Variants in DLL4 observed in about 807,000 individuals in gnomAD.
DLL4 encodes delta like canonical Notch ligand 4.
A neutral mutation model predicts 73.6 loss-of-function variants in DLL4; 7 were observed. The observed-to-expected ratio is 0.10, with a 90% CI of 0.05 to 0.18. The LOEUF is 0.18. Among genes scored for constraint, DLL4 ranks in the 10% least tolerant of loss-of-function variants. DLL4 has a pLI of 1.00. For synonymous variants in DLL4, 345 were observed against 374.3 expected (o/e 0.92, Z 0.90); for missense variants, 614 against 929.9 (o/e 0.66, Z 4.42).
At chr15:40,937,151 T>TTCC (rs1308931625) in intron 9 of DLL4, among the ~76,000 whole-genome samples, 2 of 152,220 alleles carry the variant, frequency 1.3e-5, no homozygotes, top group Non-Finnish European at 2.9e-5. Flanking sequence ...CTCTTGTGAC[T>TTCC]TCCGTCTTTC....
At chr15:40,934,858 C>G (rs754445453) in intron 7 of DLL4, 40 bp from the exon 8 acceptor site, 4 of 1,601,838 alleles carry the variant, frequency 2.5e-6, no homozygotes, top group Non-Finnish European at 3.4e-6. Flanking sequence ...ATCCCTGCCC[C>G]CCAGGGTCTG....
rs764149583 is a variant in DLL4, at chr15:40,936,420, G to A, written c.1433G>A (p.Arg478Gln). Residue 478 changes from arginine to glutamine, a missense_variant, in exon 9 of 11, where the codon CGG becomes CAG. Around this residue, in one of 3 missense-constraint regions of DLL4, gnomAD observed 386 missense variants for 541.3 expected, o/e 0.71. Transcript: ENST00000249749. Reference sequence around the variant, plus strand: ...TTCTCTGGCCGACGCTGTGAGGTGCGGACATCCATCGATGCCTGTGCCTCG... The same window carrying A: ...TTCTCTGGCCGACGCTGTGAGGTGCAGACATCCATCGATGCCTGTGCCTCG... Reference protein sequence around the residue: ...AGFSGRRCEVRTSIDACASSP... With the variant: ...AGFSGRRCEVQTSIDACASSP... 2.0e-5 allele frequency: 33 copies of A among 1,611,204 alleles called. No individual in the cohort carries two copies. The highest frequency in any genetic ancestry group is 5.0e-5 in the Admixed American group (3 of 59,830).
At position 40,932,114 on chromosome 15, in the gene DLL4, T is replaced by A. The variant is rs1596192753; in HGVS notation, c.659-57T>A. ...GATCCCCAGGGCCAGCAGGTGAGAA[T>A]GGGGCTTAAGAGTCCTTGGTATCCC... On this transcript the variant is annotated intron_variant, in intron 4 of 10. Transcript: ENST00000249749. 4 of 1,601,546 alleles carry A rather than the reference T, an allele frequency of 2.5e-6. No homozygotes were observed. The East Asian group carries it at 8.9e-5, about 36-fold the overall frequency.
Position 40,929,744 on chromosome 15 carries a change from C to T in DLL4, c.66+10C>T. ...GGCACTTTGGCAGCAGGTAACACGT[C>T]CCGCGCCCTCTCCGTCCCCTCTGCC... On this transcript the variant is annotated intron_variant, in intron 1 of 10. Coordinates refer to ENST00000249749, the MANE Select transcript of DLL4 (RefSeq NM_019074.4). The surrounding 1 kb of genome is among the most constrained non-coding windows in gnomAD (Gnocchi z 7.1). The T allele has an allele frequency of 1.9e-6, 3 of 1,599,816 alleles. No homozygotes were observed. Among genetic ancestry groups the T allele is most frequent in the Non-Finnish European group, 2.5e-6 (3 of 1,176,860 alleles).
chr15:40,931,544 C>A lies in DLL4; in HGVS notation c.436C>A (p.Gln146Lys). Residue 146 changes from glutamine to lysine, a missense_variant, in exon 4 of 11, where the codon CAG (glutamine) becomes AAG (lysine). Physicochemically the swap from Gln to Lys is moderately conservative, Grantham distance 53. Around this residue, in one of 3 missense-constraint regions of DLL4, gnomAD observed 227 missense variants for 370.8 expected, o/e 0.61. Transcript: ENST00000249749. ...TGCACTCATCAGCAAGATCGCCATC[C>A]AGGGCTCCCTAGCTGTGGGTCAGAA... Reference protein sequence around the residue: ...PDALISKIAIQGSLAVGQNWL... With the variant: ...PDALISKIAIKGSLAVGQNWL... 1 of 1,610,442 alleles carries A rather than the reference C, an allele frequency of 6.2e-7. No homozygotes were observed. Among genetic ancestry groups the A allele is most frequent in the African/African-American group, 1.3e-5 (1 of 74,970 alleles).
intron 3 of DLL4, chr15:40,931,265 A>ATTGTCCCC: frequency 1.7e-6 from 1 of 578,414 alleles, no homozygotes; most frequent in South Asian, 2.1e-5. Flanking sequence ...ACATCCTTCT[A>ATTGTCCCC]TTGTCCCCTT....
At chr15:40,936,136 G>A in intron 8 of DLL4, 92 bp from the exon 9 acceptor site, 1 of 1,128,522 alleles carries the variant, frequency 8.9e-7, no homozygotes. Context: ...GGAGGTAGAA[G>A]GGCCCGAACG....
chr15:40,933,267 G>GTT (rs1191492392), intron 6 of DLL4, among the ~76,000 whole-genome samples: 3 of 124,684 alleles, frequency 2.4e-5, no homozygotes, highest in East Asian at 2.8e-4. Context: ...CAGTCCCTGT[G>GTT]TTGTGTGTGT....
chr15:40,936,532 C>T lies in DLL4; in HGVS notation c.1545C>T (p.Ser515=). 2 of 1,610,844 alleles carry T rather than the reference C, an allele frequency of 1.2e-6. No individual in the cohort carries two copies. Among genetic ancestry groups the T allele is most frequent in the Non-Finnish European group, 1.7e-6 (2 of 1,179,258 alleles). ...VCNCPYGFVG[S]RCEFPVGLPP... ...ACTGCCCTTATGGCTTTGTGGGCAG[C>T]CGCTGCGAGTTCCCCGTGGGCTTGC... The change falls in exon 9 of 11, where the codon AGC becomes AGT. Residue 515 remains serine (S), a synonymous_variant. Transcript: ENST00000249749.
intron 6 of DLL4, among the ~76,000 whole-genome samples, chr15:40,933,339 C>G (rs1451763243): frequency 2.0e-5 from 3 of 151,972 alleles, no homozygotes; most frequent in Non-Finnish European, 4.4e-5. Context: ...CACTCACACA[C>G]CTGGTTCCTG....
chr15:40,932,589 T>A, intron 6 of DLL4, 142 bp downstream of exon 6: 1 of 1,172,764 alleles, frequency 8.5e-7, no homozygotes, highest in Non-Finnish European at 1.2e-6. Flanking sequence ...CTTGGGTCTT[T>A]TAAGGATCTT....
chr15:40,936,611 C>T lies in DLL4; in HGVS notation c.1624C>T (p.Leu542=). ...VSLGVGLAVL[L]VLLGMVAVAV... is the part of the protein sequence containing the mutation. ...GCTGGGTGTGGGGCTGGCAGTGCTGCTGGTACTGCTGGGCATGGTGGCAGT... is the reference window on the plus strand; with the variant it reads ...GCTGGGTGTGGGGCTGGCAGTGCTGTTGGTACTGCTGGGCATGGTGGCAGT... Residue 542 remains leucine, a synonymous_variant, in exon 9 of 11, where the codon CTG becomes TTG. Transcript: ENST00000249749. 1 of 1,610,366 alleles carries T rather than the reference C, an allele frequency of 6.2e-7. No homozygotes were observed. The highest frequency in any genetic ancestry group is 8.5e-7 in the Non-Finnish European group (1 of 1,178,894).
intron 4 of DLL4, 103 bp from the exon 5 acceptor site, chr15:40,932,068 G>A (rs1406322475): frequency 8.0e-6 from 11 of 1,370,254 alleles, no homozygotes; most frequent in Admixed American, 1.9e-5. Flanking sequence ...GGAGTAGGAA[G>A]AGGGCCCAGG....
chr15:40,936,293 T>C lies in DLL4; in HGVS notation c.1306T>C (p.Tyr436His). The change falls in exon 9 of 11, where the codon TAC becomes CAC. Residue 436 changes from tyrosine (Y) to histidine (H), a missense_variant. Transcript: ENST00000249749. ...CRCRPGFTGT[Y>H]CELHVSDCAR... ...CTGCCGTCCTGGATTCACGGGCACC[T>C]ACTGTGAACTCCACGTCAGCGACTG... 1 of 1,609,648 alleles carries C rather than the reference T, an allele frequency of 6.2e-7. No homozygotes were observed.
intron 3 of DLL4, chr15:40,931,139 T>A: frequency 5.2e-6 from 2 of 386,934 alleles, no homozygotes; most frequent in Non-Finnish European, 4.7e-6. Flanking sequence ...AAGGACCCCC[T>A]GCTCCCAGGG....
chr15:40,935,994 T>C (rs778226819), intron 8 of DLL4, among the ~76,000 whole-genome samples: 19 of 152,238 alleles, frequency 1.2e-4, no homozygotes, highest in Non-Finnish European at 2.2e-4. Context: ...ATCTGTCTGA[T>C]TCTACGTTAA....
chr15:40,932,410 T>A lies in DLL4; in HGVS notation c.813T>A (p.Thr271=). 1 of 1,613,944 alleles carries A rather than the reference T, an allele frequency of 6.2e-7. No homozygotes were observed. The highest frequency in any genetic ancestry group is 8.5e-7 in the Non-Finnish European group (1 of 1,179,894). Residue 271 remains threonine, a synonymous_variant, in exon 6 of 11, where the codon ACT becomes ACA. Coordinates refer to ENST00000249749, the MANE Select transcript of DLL4 (RefSeq NM_019074.4). ...CCTGCAGCACTCCCTGGCAATGTAC[T>A]TGTGATGAGGGCTGGGGAGGCCTGT... ...HGTCSTPWQC[T]CDEGWGGLFC...
chr15:40,937,267 G>T, intron 9 of DLL4, 151 bp from the exon 10 acceptor site: 1 of 668,000 alleles, frequency 1.5e-6, no homozygotes, highest in East Asian at 2.6e-5. Context: ...TTTCCTAAGT[G>T]CCCCCCTGCA....
chr15:40,932,178 T>C lies in DLL4; in HGVS notation c.666T>C (p.Cys222=), dbSNP rs772283511. 8.1e-6 allele frequency: 13 copies of C among 1,613,914 alleles called. No individual in the cohort carries two copies. Among genetic ancestry groups the C allele is most frequent in the Non-Finnish European group, 1.0e-5 (12 of 1,179,902 alleles). ...WTGEYCQQPI[C]LSGCHEQNGY... ...TCTGTGTTCTTCCCTTAGCTATCTG[T>C]CTTTCGGGCTGTCATGAACAGAATG... Residue 222 remains cysteine, a synonymous_variant, in exon 5 of 11, where the codon TGT becomes TGC. Coordinates refer to ENST00000249749, the MANE Select transcript of DLL4 (RefSeq NM_019074.4).
Sources: allele counts gnomAD v4.1 joint callset (sites outside exome capture counted in the v4.1 genomes callset), GRCh38; gene constraint gnomAD v4.1.1; regional missense constraint gnomAD v4.1.1; non-coding constraint Gnocchi (gnomAD v3.1); transcripts MANE v1.5; gene names NCBI Gene and HGNC (gene_info 2026-07-23, HGNC 2026-07-21).